The following TF variants were observed in gnomAD, a reference collection of about 807,000 sequenced individuals.
TF encodes serotransferrin.
Under a neutral mutation model 82.4 loss-of-function variants are expected in TF, and 55 were observed. That is an observed-to-expected ratio of 0.67 (90% CI 0.54 to 0.84). The LOEUF (loss-of-function observed/expected upper bound fraction) is 0.84, where lower values mean the gene tolerates loss of function less well. Ranked by LOEUF, TF falls within the 40% of genes least tolerant of loss-of-function variation. TF has a pLI of 0.00. For missense variants in TF, 737 were observed against 868.4 expected (o/e 0.85, Z 1.90); for synonymous variants, 332 against 332.6 (o/e 1.00, Z 0.02).
At chr3:133,717,521 C>A in the TF span, among the ~76,000 whole-genome samples, 5 of 152,220 alleles carry the variant, frequency 3.3e-5, no homozygotes, top group African/African-American at 1.2e-4. Flanking sequence ...TTGCAACCAG[C>A]AGTCCCAATG....
chr3:133,751,333 C>T (rs1311512370), intron 2 of TF, among the ~76,000 whole-genome samples: 7 of 150,438 alleles, frequency 4.7e-5, no homozygotes, highest in African/African-American at 9.8e-5. Flanking sequence ...CCCGGGTTCA[C>T]GCCATTCTCC....
intron 4 of TF, among the ~76,000 whole-genome samples, 191 bp downstream of exon 4, chr3:133,754,862 G>T (rs1933780691): frequency 6.6e-6 from 1 of 152,190 alleles, no homozygotes; most frequent in Admixed American, 6.5e-5. Context: ...GCTTTTTTCT[G>T]CTCTGAGCTT....
At chr3:133,768,750 A>T (rs1019217223) in intron 13 of TF, among the ~76,000 whole-genome samples, 1 of 149,366 alleles carries the variant, frequency 6.7e-6, no homozygotes, top group African/African-American at 2.5e-5. Context: ...AGTGCCTATC[A>T]TTCATTTTCA....
chr3:133,684,477 A>AG, the TF span, among the ~76,000 whole-genome samples: 1 of 152,228 alleles, frequency 6.6e-6, no homozygotes, highest in Non-Finnish European at 1.5e-5. Flanking sequence ...AAAGAAAAAA[A>AG]GAGAGAAGAA....
At chr3:133,717,147 T>G in the TF span, among the ~76,000 whole-genome samples, 2 of 152,234 alleles carry the variant, frequency 1.3e-5, no homozygotes, top group Non-Finnish European at 2.9e-5. Flanking sequence ...CTACTTACCT[T>G]GCTTCGTGTC....
chr3:133,771,543 C>G (rs1934256979), intron 14 of TF, among the ~76,000 whole-genome samples: 1 of 151,806 alleles, frequency 6.6e-6, no homozygotes, highest in Non-Finnish European at 1.5e-5. Flanking sequence ...CGAGACCATC[C>G]TGGCCAACAA....
At chr3:133,772,647 C>T (rs1349443622) in intron 14 of TF, 1 of 152,210 alleles carries the variant, frequency 6.6e-6, no homozygotes, top group Non-Finnish European at 1.5e-5. Flanking sequence ...CTGCTATACT[C>T]CCTGCCCATC....
rs1934466547 is a variant in TF at position 133,779,246 on chromosome 3, C to T, written c.*626C>T. 1.3e-5 allele frequency: 2 copies of T among 153,796 alleles called. No homozygotes were observed. The highest frequency in any genetic ancestry group is 4.8e-5 in the African/African-American group (2 of 41,466). 9.5% of individuals were successfully genotyped at this position (153,796 alleles called of 1,614,324 possible). On this transcript the variant is annotated 3_prime_UTR_variant, in exon 17 of 17. Coordinates refer to ENST00000402696, the MANE Select transcript of TF (RefSeq NM_001063.4). ...GAAAAGCATTCCCTGAGCTTGATGC[C>T]ACAGCAGTTACTGCCCTGTCTCCTG... is the stretch of plus-strand genomic sequence containing the variant.
the TF span, among the ~76,000 whole-genome samples, chr3:133,676,682 G>A: frequency 6.6e-6 from 1 of 152,260 alleles, no homozygotes; most frequent in Non-Finnish European, 1.5e-5. Context: ...TGGGGCTAGG[G>A]AAGGCTGGAA....
the TF span, among the ~76,000 whole-genome samples, chr3:133,733,041 C>T: frequency 6.6e-6 from 1 of 152,242 alleles, no homozygotes; most frequent in African/African-American, 2.4e-5. Context: ...CTGAATGCCA[C>T]TTCTACCAAC....
At chr3:133,740,774 C>T in the TF span, among the ~76,000 whole-genome samples, 467 of 152,204 alleles carry the variant, frequency 3.1e-3, 1 homozygote, top group African/African-American at 0.011. Context: ...CTTCCACTCC[C>T]TGTTCAAGAT....
intron 2 of TF, among the ~76,000 whole-genome samples, chr3:133,748,886 G>A (rs754790839): frequency 7.2e-5 from 11 of 152,116 alleles, no homozygotes; most frequent in East Asian, 1.9e-4. Flanking sequence ...CAGGCTGGGC[G>A]CGGTGGCTCA....
At chr3:133,765,010 C>A in intron 11 of TF, 103 bp downstream of exon 11, 1 of 1,081,082 alleles carries the variant, frequency 9.2e-7, no homozygotes, top group Non-Finnish European at 1.4e-6. Context: ...TGTAAGAGAC[C>A]AATTTTCACA....
At position 133,794,901 on chromosome 3, in the gene TF, T is replaced by C. The variant is rs1157201175; in HGVS notation, c.*16281T>C. ...AAAAAGGATCTGTTGTGTACAATTA[T>C]GGGTTATACTTTTATTTGTGAAGAA... On this transcript the variant is annotated 3_prime_UTR_variant, in exon 17 of 17. Transcript: ENST00000402696. The C allele has an allele frequency of 6.6e-6, 1 of 152,228 alleles. No homozygotes were observed. Among genetic ancestry groups the C allele is most frequent in the African/African-American group, 2.4e-5 (1 of 41,460 alleles). 9.4% of individuals were successfully genotyped at this position (152,228 alleles called of 1,614,324 possible).
At chr3:133,735,338 C>T in the TF span, among the ~76,000 whole-genome samples, 28,140 of 121,032 alleles carry the variant, frequency 0.23, 2,783 homozygotes, top group East Asian at 0.31. Flanking sequence ...AGACTCCATC[C>T]CAAAAAAAAA....
the TF span, among the ~76,000 whole-genome samples, chr3:133,678,743 G>A: frequency 6.6e-6 from 1 of 152,128 alleles, no homozygotes. Flanking sequence ...TAAGTTCCTT[G>A]TAGATTCTGG....
At chr3:133,696,433 C>T in the TF span, among the ~76,000 whole-genome samples, 12 of 152,036 alleles carry the variant, frequency 7.9e-5, no homozygotes, top group Admixed American at 5.9e-4. Context: ...CCGTGATTTC[C>T]GGCATCCACT....
At chr3:133,684,047 C>A in the TF span, among the ~76,000 whole-genome samples, 1 of 152,224 alleles carries the variant, frequency 6.6e-6, no homozygotes, top group Non-Finnish European at 1.5e-5. Flanking sequence ...GATTAAGAAA[C>A]TCACTCAAAA....
intron 8 of TF, among the ~76,000 whole-genome samples, chr3:133,758,577 A>G (rs1933902476): frequency 1.3e-5 from 2 of 152,228 alleles, no homozygotes; most frequent in African/African-American, 4.8e-5. Flanking sequence ...TTAAAAGGGG[A>G]AAAATATGAC....
Sources: gnomAD v4.1 joint callset for allele counts (sites outside exome capture counted in the v4.1 genomes callset) on GRCh38, gnomAD v4.1.1 for gene constraint, MANE v1.5 for transcripts, NCBI Gene and HGNC (gene_info 2026-07-23, HGNC 2026-07-21) for gene names.